Variants in MICAL1 observed in about 807,000 individuals in gnomAD.
MICAL1 encodes the protein microtubule associated monooxygenase, calponin and LIM domain containing 1.
A neutral mutation model predicts 131.8 loss-of-function variants in MICAL1; 95 were observed. That is an observed-to-expected ratio of 0.72 (90% CI 0.61 to 0.86). The LOEUF is 0.86. Ranked by LOEUF, MICAL1 falls within the 40% of genes least tolerant of loss-of-function variation. MICAL1 has a pLI of 0.00. For synonymous variants in MICAL1, 546 were observed against 554.2 expected (o/e 0.99, Z 0.21); for missense variants, 1,292 against 1,380.6 (o/e 0.94, Z 1.02).
rs147584988 is a variant in MICAL1 at position 109,454,359 on chromosome 6, T to C, written c.-43-120A>G. The C allele has an allele frequency of 2.8e-5, 27 of 977,710 alleles. No homozygotes were observed. The African/African-American group carries it at 3.7e-4, about 13-fold the overall frequency. 60.6% of individuals were successfully genotyped at this position (977,710 alleles called of 1,614,324 possible). A position where few individuals can be genotyped will look rare whatever the true frequency, so the allele number is the denominator to read the frequency against. On this transcript the variant is annotated intron_variant, in intron 1 of 24. Transcript: ENST00000358807. ...CTCGGGATTCACCAGTGATTGGCTC[T>C]GCTCCTCCCAGCCCATTCCCCTGCC...
At chr6:109,445,624 G>A in intron 20 of MICAL1, 95 bp from the exon 21 acceptor site, 3 of 1,529,454 alleles carry the variant, frequency 2.0e-6, no homozygotes, top group Non-Finnish European at 2.7e-6. Flanking sequence ...GTGCTGAAGT[G>A]GGGTAAGCTC....
At position 109,452,546 on chromosome 6, in the gene MICAL1, A is replaced by G. The variant is rs1180749692; in HGVS notation, c.641T>C (p.Leu214Pro). The G allele has an allele frequency of 6.2e-7, 1 of 1,614,016 alleles. No individual in the cohort carries two copies. Among genetic ancestry groups the G allele is most frequent in the Admixed American group, 1.7e-5 (1 of 60,010 alleles). The change falls in exon 5 of 25, where the codon CTT (leucine) becomes CCT (proline). Residue 214 changes from leucine to proline, a missense_variant. Physicochemically the swap from Leu to Pro is moderately conservative, Grantham distance 98. Coordinates refer to ENST00000358807, the MANE Select transcript of MICAL1 (RefSeq NM_022765.4). The stretch of plus-strand genomic sequence containing the variant: ...GAATTTACCTCCTGCAGCCGAGATA[A>G]GGACGTCAAATTCATAGTTGGCCAG... The part of the protein sequence containing the change: ...AQLANYEFDV[L>P]ISAAGGKFVP...
At chr6:109,460,927 A>G (rs1775872025) in intron 1 of MICAL1, among the ~76,000 whole-genome samples, 1 of 152,214 alleles carries the variant, frequency 6.6e-6, no homozygotes, top group Non-Finnish European at 1.5e-5. Flanking sequence ...TCACCTTACC[A>G]GTAACTTTCA....
chr6:109,446,109 G>A (rs373778932), intron 19 of MICAL1, 27 bp downstream of exon 19: 831 of 1,527,410 alleles, frequency 5.4e-4, no homozygotes, highest in Non-Finnish European at 6.8e-4. Flanking sequence ...CCCACCCTGG[G>A]TCAGCACATC....
upstream of MICAL1, chr6:109,455,889 C>CGCGAGGG (rs973127547): frequency 2.0e-6 from 2 of 985,508 alleles, no homozygotes; most frequent in Non-Finnish European, 2.4e-6. The surrounding 1 kb of genome is among the most constrained non-coding windows in gnomAD (Gnocchi z 4.7). Context: ...TGTGGGCTTC[C>CGCGAGGG]GCGAGGGGCG....
chr6:109,449,798 G>GT lies in MICAL1; in HGVS notation c.1308-16dup, dbSNP rs1562290676. The GT allele has an allele frequency of 6.2e-7, 1 of 1,603,312 alleles. No individual in the cohort carries two copies. Among genetic ancestry groups the GT allele is most frequent in the Non-Finnish European group, 8.5e-7 (1 of 1,175,086 alleles). On this transcript the variant is annotated splice_polypyrimidine_tract_variant and intron_variant, in intron 9 of 24. Transcript: ENST00000358807. ...ACAGGCTCTCACTGAGGGGGTGAGG[G>GT]TAAGGGGCAGGGGCATGAATGGGAG...
At position 109,449,791 on chromosome 6, in the gene MICAL1, G is replaced by A; in HGVS notation, c.1308-8C>T. 1.2e-6 allele frequency: 2 copies of A among 1,606,556 alleles called. No homozygotes were observed. Among genetic ancestry groups the A allele is most frequent in the Non-Finnish European group, 1.7e-6 (2 of 1,176,496 alleles). On this transcript the variant is annotated splice_polypyrimidine_tract_variant and splice_region_variant and intron_variant, in intron 9 of 24. Coordinates refer to ENST00000358807, the MANE Select transcript of MICAL1 (RefSeq NM_022765.4). ...AGCTGGTACAGGCTCTCACTGAGGG[G>A]GTGAGGGTAAGGGGCAGGGGCATGA...
In MICAL1 at chr6:109,446,780, G is replaced by A; in HGVS notation, c.2228-8C>T. The A allele has an allele frequency of 6.2e-7, 1 of 1,612,314 alleles. No individual in the cohort carries two copies. Among genetic ancestry groups the A allele is most frequent in the Non-Finnish European group, 8.5e-7 (1 of 1,179,248 alleles). ...GGAGGCAGTAGAAATGTCCTGGAAAGGGTAGAGAGGGGAGGAGGCATTTGG... is the reference window on the plus strand; with the variant it reads ...GGAGGCAGTAGAAATGTCCTGGAAAAGGTAGAGAGGGGAGGAGGCATTTGG... On this transcript the variant is annotated splice_region_variant and splice_polypyrimidine_tract_variant and intron_variant, in intron 17 of 24. Coordinates refer to ENST00000358807, the MANE Select transcript of MICAL1 (RefSeq NM_022765.4).
chr6:109,448,053 C>T (rs1184892612), intron 13 of MICAL1, 90 bp from the exon 14 acceptor site: 2 of 1,452,422 alleles, frequency 1.4e-6, no homozygotes, highest in Non-Finnish European at 1.9e-6. Flanking sequence ...CAGAAGGACA[C>T]CTCTCCCAGG....
chr6:109,456,055 C>T, upstream of MICAL1: 1 of 984,194 alleles, frequency 1.0e-6, no homozygotes, highest in Non-Finnish European at 1.2e-6. Flanking sequence ...GCTCTGGGGC[C>T]TCTGGGTGGG....
At chr6:109,450,686 C>T (rs1775504109) in intron 7 of MICAL1, 129 bp from the exon 8 acceptor site, 1 of 1,050,694 alleles carries the variant, frequency 9.5e-7, no homozygotes, top group Non-Finnish European at 1.3e-6. Context: ...CTAGACTACA[C>T]AGCAGTTGAA....
intron 9 of MICAL1, 27 bp downstream of exon 9, chr6:109,449,943 C>A (rs200497198): frequency 1.2e-6 from 2 of 1,611,144 alleles, no homozygotes; most frequent in African/African-American, 2.7e-5. Flanking sequence ...CCTGCCCTGC[C>A]CACATCCTCC....
rs1243254066 is a variant in MICAL1, at chr6:109,450,558, C to T, written c.934-1G>A. On this transcript the variant is annotated splice_acceptor_variant, in intron 7 of 24. Coordinates refer to ENST00000358807, the MANE Select transcript of MICAL1 (RefSeq NM_022765.4). LOFTEE classifies it high-confidence loss of function. ...GCAGCCGATTGGTGTCTGGCCAGTC[C>T]TGTATGGTCAACAGAGCAGAACCTC... is the stretch of plus-strand genomic sequence containing the variant. 1 of 1,599,878 alleles carries T rather than the reference C, an allele frequency of 6.3e-7. No homozygotes were observed. The highest frequency in any genetic ancestry group is 8.6e-7 in the Non-Finnish European group (1 of 1,169,446).
chr6:109,450,262 C>T (rs577425462), intron 8 of MICAL1, 38 bp downstream of exon 8: 1 of 1,589,450 alleles, frequency 6.3e-7, no homozygotes. Flanking sequence ...AGCTCCCTCC[C>T]CTAACCATGA....
intron 14 of MICAL1, 37 bp downstream of exon 14, chr6:109,447,836 TCC>T: frequency 1.9e-6 from 3 of 1,611,910 alleles, no homozygotes; most frequent in Non-Finnish European, 2.5e-6. Context: ...CCCTGCCCAC[TCC>T]TCCCTGCTCA....
Position 109,453,638 on chromosome 6 carries a change from T to C in MICAL1, c.466A>G (p.Ser156Gly), listed in dbSNP as rs764879124. The change falls in exon 3 of 25, where the codon AGC becomes GGC. Residue 156 changes from serine (S) to glycine (G), a missense_variant and splice_region_variant. Coordinates refer to ENST00000358807, the MANE Select transcript of MICAL1 (RefSeq NM_022765.4). ...CTCCAGGCCACCACGTGGTGCTCACTGATGTGGTCCAGGGTGCCGGTGCAG... is the reference window on the plus strand; with the variant it reads ...CTCCAGGCCACCACGTGGTGCTCACCGATGTGGTCCAGGGTGCCGGTGCAG... Reference protein sequence around the residue: ...RFCTGTLDHISIRQLQLLLLK... With the variant: ...RFCTGTLDHIGIRQLQLLLLK... 4.1e-5 allele frequency: 66 copies of C among 1,596,146 alleles called. No homozygotes were observed. In the East Asian group the frequency reaches 1.5e-3, roughly 36 times the overall value.
intron 3 of MICAL1, 131 bp downstream of exon 3, chr6:109,453,507 C>A: frequency 2.0e-6 from 3 of 1,499,744 alleles, no homozygotes; most frequent in Non-Finnish European, 2.7e-6. Flanking sequence ...GATGGGGGAC[C>A]TGAATCTTCA....
At chr6:109,465,949 C>G in exon 1 of MICAL1, 1 of 1,614,212 alleles carries the variant, frequency 6.2e-7, no homozygotes. Context: ...TGAGCTGGAT[C>G]TGAAGTACTT....
rs1775109025 is a variant in MICAL1, at chr6:109,444,331, T to G, written c.3064A>C (p.Lys1022Gln). The change falls in exon 25 of 25, where the codon AAG becomes CAG. Residue 1022 changes from lysine (K) to glutamine (Q), a missense_variant. Coordinates refer to ENST00000358807, the MANE Select transcript of MICAL1 (RefSeq NM_022765.4). ...TCAGCCTGCCGATCAGCAGCTGTCT[T>G]TAGGTTTTCTAAAAGGAGGAGACAA... ...RGYMNREENLKTAADRQAEDQ... is the reference protein window; with the variant it reads ...RGYMNREENLQTAADRQAEDQ... The G allele has an allele frequency of 1.2e-6, 2 of 1,613,412 alleles. No individual in the cohort carries two copies. Among genetic ancestry groups the G allele is most frequent in the Non-Finnish European group, 1.7e-6 (2 of 1,180,002 alleles).
Sources: gnomAD v4.1 joint callset for allele counts (sites outside exome capture counted in the v4.1 genomes callset) on GRCh38, gnomAD v4.1.1 for gene constraint, Gnocchi (gnomAD v3.1) non-coding constraint, MANE v1.5 for transcripts, NCBI Gene and HGNC (gene_info 2026-07-23, HGNC 2026-07-21) for gene names.